Variants in DNAJC3 observed in about 807,000 individuals in gnomAD.
DNAJC3 encodes the protein DnaJ heat shock protein family (Hsp40) member C3, also known as dnaJ homolog subfamily C member 3.
DNAJC3 carries 38 observed loss-of-function variants against 68.6 expected under a neutral mutation model. That is an observed-to-expected ratio of 0.55 (90% CI 0.43 to 0.73). The LOEUF is 0.73. Among genes scored for constraint, DNAJC3 ranks in the 30% least tolerant of loss-of-function variants. DNAJC3 has a pLI of 0.00. For missense variants in DNAJC3, 526 were observed against 591.9 expected (o/e 0.89, Z 1.16); for synonymous variants, 203 against 204.0 (o/e 1.00, Z 0.04).
chr13:95,705,238 T>C (rs970326054), intron 1 of DNAJC3, among the ~76,000 whole-genome samples: 4 of 152,284 alleles, frequency 2.6e-5, no homozygotes, highest in Admixed American at 2.0e-4. Context: ...AGCTTAGATA[T>C]GATGGAGAAG....
intron 1 of DNAJC3, among the ~76,000 whole-genome samples, chr13:95,691,818 G>A (rs112138548): frequency 0.012 from 1,885 of 152,336 alleles, 42 homozygotes; most frequent in African/African-American, 0.043. Context: ...CTTGGGAGGC[G>A]GAGGCTGGCG....
At chr13:95,760,629 C>A in intron 6 of DNAJC3, 50 bp from the exon 7 acceptor site, 1 of 1,556,910 alleles carries the variant, frequency 6.4e-7, no homozygotes, top group South Asian at 1.2e-5. Flanking sequence ...GAAAACTACT[C>A]ATTGATTGTT....
chr13:95,746,607 T>C (rs1882314773), intron 4 of DNAJC3, among the ~76,000 whole-genome samples: 1 of 152,230 alleles, frequency 6.6e-6, no homozygotes, highest in Non-Finnish European at 1.5e-5. Context: ...TATACTTTAA[T>C]TTTTGAAGAT....
intron 1 of DNAJC3, among the ~76,000 whole-genome samples, chr13:95,687,221 T>G (rs1880095836): frequency 6.6e-6 from 1 of 152,200 alleles, no homozygotes; most frequent in African/African-American, 2.4e-5. Flanking sequence ...ATACCATGGT[T>G]TTGTATACTG....
chr13:95,791,067 G>A lies in DNAJC3; in HGVS notation c.*37G>A. 3.1e-6 allele frequency: 5 copies of A among 1,595,558 alleles called. No homozygotes were observed. The highest frequency in any genetic ancestry group is 4.3e-6 in the Non-Finnish European group (5 of 1,173,870). On this transcript the variant is annotated 3_prime_UTR_variant, in exon 12 of 12. Transcript: ENST00000602402. ...TTCTGCTCTTCTTAATTTTTTTAAA[G>A]ATTAAAAACAAAGAAATCTTGTTCC...
chr13:95,764,907 A>C (rs1882950121), intron 9 of DNAJC3, among the ~76,000 whole-genome samples: 1 of 151,808 alleles, frequency 6.6e-6, no homozygotes, highest in Non-Finnish European at 1.5e-5. Flanking sequence ...TTTTAAATCA[A>C]AAACAGTAAT....
At chr13:95,767,595 C>T (rs1457514479) in intron 9 of DNAJC3, among the ~76,000 whole-genome samples, 1 of 151,990 alleles carries the variant, frequency 6.6e-6, no homozygotes, top group Non-Finnish European at 1.5e-5. Flanking sequence ...GAGGAACCTC[C>T]ACACTGGTTT....
chr13:95,686,354 A>G (rs180692836), intron 1 of DNAJC3, among the ~76,000 whole-genome samples: 1 of 152,330 alleles, frequency 6.6e-6, no homozygotes, highest in Non-Finnish European at 1.5e-5. Context: ...TGTCGGAGGC[A>G]TAATTTGCAA....
intron 4 of DNAJC3, among the ~76,000 whole-genome samples, chr13:95,735,230 T>C (rs1355189347): frequency 8.0e-6 from 1 of 124,502 alleles, no homozygotes; most frequent in African/African-American, 3.2e-5. Context: ...TTGTTGGACA[T>C]TTGGGTTGGT....
intron 1 of DNAJC3, among the ~76,000 whole-genome samples, chr13:95,683,932 CAAAA>C (rs33918497): frequency 8.5e-6 from 1 of 117,390 alleles, no homozygotes. Context: ...AACTCCATCT[CAAAA>C]AAAAAAAAAA....
chr13:95,734,212 T>C (rs926733739), intron 4 of DNAJC3, among the ~76,000 whole-genome samples: 1 of 152,206 alleles, frequency 6.6e-6, no homozygotes, highest in African/African-American at 2.4e-5. Flanking sequence ...GCATTTCTTG[T>C]AGAATTGGTC....
intron 1 of DNAJC3, among the ~76,000 whole-genome samples, chr13:95,698,097 A>G (rs1880496062): frequency 7.9e-6 from 1 of 125,874 alleles, no homozygotes; most frequent in African/African-American, 4.1e-5. Context: ...CTTCATTTAA[A>G]TGGCTTTTTT....
At chr13:95,754,160 A>G (rs551488403) in intron 4 of DNAJC3, among the ~76,000 whole-genome samples, 1 of 152,336 alleles carries the variant, frequency 6.6e-6, no homozygotes, top group South Asian at 2.1e-4. Context: ...GCCTACAGTC[A>G]AGATGTGAGA....
At chr13:95,713,943 A>G (rs1428646648) in intron 2 of DNAJC3, among the ~76,000 whole-genome samples, 1 of 152,216 alleles carries the variant, frequency 6.6e-6, no homozygotes, top group South Asian at 2.1e-4. Context: ...TCACCTTGGA[A>G]TGTAGGGGTA....
chr13:95,750,513 A>T (rs967954084), intron 4 of DNAJC3, among the ~76,000 whole-genome samples: 2 of 144,304 alleles, frequency 1.4e-5, no homozygotes, highest in East Asian at 2.0e-4. Flanking sequence ...TAATTATTCA[A>T]TTTTTTTTTT....
At chr13:95,722,830 C>T (rs1881373739) in intron 2 of DNAJC3, among the ~76,000 whole-genome samples, 2 of 42,096 alleles carry the variant, frequency 4.8e-5, no homozygotes, top group South Asian at 8.5e-4. Flanking sequence ...CCCCCCCCCC[C>T]CCCCCCCCCG....
intron 2 of DNAJC3, among the ~76,000 whole-genome samples, chr13:95,718,494 C>T (rs1168579590): frequency 3.9e-5 from 6 of 152,222 alleles, no homozygotes; most frequent in Admixed American, 2.0e-4. Flanking sequence ...CTCCACTTTT[C>T]GGGTTCAAGT....
At position 95,791,851 on chromosome 13, in the gene DNAJC3, T is replaced by TAAAC. The variant is rs1883786412; in HGVS notation, c.*824_*827dup. On this transcript the variant is annotated 3_prime_UTR_variant, in exon 12 of 12. Transcript: ENST00000602402. ...CTGAAGTGCAGATTGAAATACTTTT[T>TAAAC]AAACAACTGAAGTTCTGAGTTTTTA... The TAAAC allele has an allele frequency of 1.3e-5, 2 of 152,234 alleles. No homozygotes were observed. The highest frequency in any genetic ancestry group is 1.3e-4 in the Admixed American group (2 of 15,282). 9.4% of individuals were successfully genotyped at this position (152,234 alleles called of 1,614,324 possible). A position where few individuals can be genotyped will look rare whatever the true frequency, so the allele number is the denominator to read the frequency against.
At chr13:95,709,728 C>T (rs754287659) in intron 2 of DNAJC3, among the ~76,000 whole-genome samples, 6 of 151,258 alleles carry the variant, frequency 4.0e-5, no homozygotes, top group Non-Finnish European at 8.8e-5. Flanking sequence ...AAAGCTCTGC[C>T]TCCCGGGTTC....
Sources: allele counts gnomAD v4.1 joint callset (sites outside exome capture counted in the v4.1 genomes callset), GRCh38; gene constraint gnomAD v4.1.1; transcripts MANE v1.5; gene names NCBI Gene and HGNC (gene_info 2026-07-23, HGNC 2026-07-21).